Variants in ABAT observed in about 807,000 individuals in gnomAD.
ABAT encodes 4-aminobutyrate aminotransferase, mitochondrial.
ABAT carries 45 observed loss-of-function variants against 64.6 expected under a neutral mutation model. The ratio of observed to expected loss-of-function variants is 0.70; its 90% CI spans 0.55 to 0.89. The LOEUF (loss-of-function observed/expected upper bound fraction) is 0.89, where lower values mean the gene tolerates loss of function less well. Among genes scored for constraint, ABAT ranks in the 40% least tolerant of loss-of-function variants. ABAT has a pLI of 0.00. For synonymous variants in ABAT, 297 were observed against 250.5 expected, an observed-to-expected ratio of 1.19 and a Z score of -1.75; for missense variants, 633 against 658.4, an observed-to-expected ratio of 0.96 and a Z score of 0.42.
At chr16:8,778,946 T>A (rs186578374) in intron 14 of ABAT, among the ~76,000 whole-genome samples, 11 of 152,144 alleles carry the variant, frequency 7.2e-5, no homozygotes, top group Admixed American at 7.2e-4. Context: ...GGGAGGAAAC[T>A]ATTCAATCCA....
At position 8,768,956 on chromosome 16, in the gene ABAT, G is replaced by T. The variant is rs779070081; in HGVS notation, c.799G>T (p.Ala267Ser). The T allele has an allele frequency of 1.2e-6, 2 of 1,614,152 alleles. No individual in the cohort carries two copies. Among genetic ancestry groups the T allele is most frequent in the Non-Finnish European group, 1.7e-6 (2 of 1,180,016 alleles). Residue 267 changes from alanine to serine, a missense_variant, in exon 11 of 16, where the codon GCC (alanine) becomes TCC (serine). Physicochemically the swap from Ala to Ser is moderately conservative, Grantham distance 99 (BLOSUM62 1). Transcript: ENST00000268251. The part of the protein sequence containing the change: ...EFVKENQQEE[A>S]RCLEEVEDLI... ...TGTGAAAGAGAACCAACAGGAGGAG[G>T]CCCGCTGTCTGGAAGAGGTAATGCT... is the stretch of plus-strand genomic sequence containing the variant.
Position 8,776,608 on chromosome 16 carries a change from G to C in ABAT, c.1269+118G>C, listed in dbSNP as rs2060271404. ...CCTGCTGTTCCAGCAGTTCGTAACG[G>C]GCTGTGCTGCTCCTAGCCTTGGGGG... On this transcript the variant is annotated intron_variant, in intron 14 of 15. Coordinates refer to ENST00000268251, the MANE Select transcript of ABAT (RefSeq NM_020686.6). The surrounding 1 kb of genome is among the most constrained non-coding windows in gnomAD (Gnocchi z 4.4). 3 of 1,124,482 alleles carry C rather than the reference G, an allele frequency of 2.7e-6. No homozygotes were observed. The Admixed American group carries it at 6.0e-5, about 22-fold the overall frequency. 69.7% of individuals were successfully genotyped at this position (1,124,482 alleles called of 1,614,324 possible).
intron 1 of ABAT, among the ~76,000 whole-genome samples, chr16:8,675,790 A>G (rs977041040): frequency 1.3e-5 from 2 of 152,108 alleles, no homozygotes; most frequent in African/African-American, 4.8e-5. Flanking sequence ...CAACACACGC[A>G]CAAAGGCTGT....
chr16:8,739,457 C>A (rs553077534), intron 2 of ABAT, among the ~76,000 whole-genome samples: 3 of 152,332 alleles, frequency 2.0e-5, no homozygotes, highest in Admixed American at 2.0e-4. Context: ...GTGGCCCACA[C>A]CTGTAATACC....
At position 8,781,320 on chromosome 16, in the gene ABAT, G is replaced by A. The variant is rs781555217; in HGVS notation, c.1393G>A (p.Gly465Ser). 6.2e-7 allele frequency: 1 copy of A among 1,614,078 alleles called. No homozygotes were observed. Among genetic ancestry groups the A allele is most frequent in the Non-Finnish European group, 8.5e-7 (1 of 1,179,996 alleles). ...CCTGCCTCTTTCAGGTGTGGTGTTG[G>A]GTGGCTGTGGTGACAAATCCATTCG... ...LIARNKGVVL[G>S]GCGDKSIRFR... The change falls in exon 16 of 16, where the codon GGT becomes AGT. Residue 465 changes from glycine (G) to serine (S), a missense_variant. Gly to Ser is a moderately conservative substitution (Grantham distance 56). Coordinates refer to ENST00000268251, the MANE Select transcript of ABAT (RefSeq NM_020686.6). This position sits in a 1 kb window ranked among gnomAD's most constrained non-coding sequence, Gnocchi z 4.5.
At chr16:8,713,859 A>G (rs1340023756) in intron 1 of ABAT, 1 of 455,912 alleles carries the variant, frequency 2.2e-6, no homozygotes, top group Non-Finnish European at 4.4e-6. Flanking sequence ...TCCGACTACC[A>G]GGCACCGTGA....
chr16:8,774,975 A>G lies in ABAT; in HGVS notation c.1040A>G (p.Asp347Gly), dbSNP rs373386937. 4 of 1,614,048 alleles carry G rather than the reference A, an allele frequency of 2.5e-6. No homozygotes were observed. Among genetic ancestry groups the G allele is most frequent in the Non-Finnish European group, 2.5e-6 (3 of 1,180,038 alleles). Residue 347 changes from aspartate (D) to glycine (G), a missense_variant, in exon 13 of 16, where the codon GAT (aspartate) becomes GGT (glycine). Coordinates refer to ENST00000268251, the MANE Select transcript of ABAT (RefSeq NM_020686.6). ...TGGGCCCATGAGCACTGGGGCCTGG[A>G]TGACCCAGCAGACGTGATGACCTTC... ...KFWAHEHWGL[D>G]DPADVMTFSK...
intron 1 of ABAT, among the ~76,000 whole-genome samples, chr16:8,677,661 T>G (rs558660966): frequency 1.3e-5 from 2 of 152,216 alleles, no homozygotes; most frequent in South Asian, 4.1e-4. Context: ...CCAGTGACAC[T>G]CCCTACCCCA....
chr16:8,683,037 T>C (rs756064874), intron 1 of ABAT, among the ~76,000 whole-genome samples: 4 of 152,232 alleles, frequency 2.6e-5, no homozygotes, highest in Admixed American at 2.0e-4. Context: ...AATTGGTGCC[T>C]GAGCTGAAGC....
chr16:8,685,082 C>T (rs1159334843), intron 1 of ABAT, among the ~76,000 whole-genome samples: 1 of 151,622 alleles, frequency 6.6e-6, no homozygotes, highest in Non-Finnish European at 1.5e-5. Context: ...CTCAGGAGTT[C>T]GAGACCACCT....
chr16:8,728,017 G>A (rs1260503890), intron 1 of ABAT, among the ~76,000 whole-genome samples: 1 of 152,192 alleles, frequency 6.6e-6, no homozygotes, highest in African/African-American at 2.4e-5. Flanking sequence ...GCTGCAGTGA[G>A]CCCTGATCGC....
intron 9 of ABAT, among the ~76,000 whole-genome samples, chr16:8,767,928 AG>A (rs922748144): frequency 1.2e-4 from 18 of 151,994 alleles, no homozygotes; most frequent in Admixed American, 3.9e-4. Context: ...CGCCTGCCTC[AG>A]CCTTCCAAAG....
chr16:8,681,166 G>T (rs56188749), intron 1 of ABAT, among the ~76,000 whole-genome samples: 10,419 of 151,642 alleles, frequency 0.069, 513 homozygotes, highest in Admixed American at 0.13. Context: ...GCATTTTTTT[G>T]TTGTTGTTGA....
At chr16:8,689,094 A>AG (rs1470289285) in intron 1 of ABAT, among the ~76,000 whole-genome samples, 1 of 152,046 alleles carries the variant, frequency 6.6e-6, no homozygotes, top group Non-Finnish European at 1.5e-5. Flanking sequence ...AAAAAAAAAA[A>AG]AAAGTTCAAC....
intron 2 of ABAT, 101 bp downstream of exon 2, chr16:8,735,910 C>A (rs1406121814): frequency 2.0e-6 from 2 of 1,014,080 alleles, no homozygotes; most frequent in Non-Finnish European, 3.0e-6. Context: ...AAGGGACCAG[C>A]CAGTGAGTGT....
chr16:8,717,932 C>T (rs1183092831), intron 1 of ABAT, among the ~76,000 whole-genome samples: 2 of 151,956 alleles, frequency 1.3e-5, no homozygotes, highest in Non-Finnish European at 2.9e-5. Context: ...TGGGATTACA[C>T]ATCAGGTCCC....
chr16:8,729,324 G>C (rs998620897), intron 1 of ABAT, among the ~76,000 whole-genome samples: 1 of 101,452 alleles, frequency 9.9e-6, no homozygotes, highest in African/African-American at 3.7e-5. Flanking sequence ...AAAACAGCTA[G>C]GAGTTTTGTT....
At chr16:8,706,342 C>T (rs2057942392) in intron 1 of ABAT, among the ~76,000 whole-genome samples, 1 of 146,468 alleles carries the variant, frequency 6.8e-6, no homozygotes, top group Non-Finnish European at 1.5e-5. Context: ...GAAGGTAAGG[C>T]TGCAATGAGC....
intron 2 of ABAT, chr16:8,738,349 T>A (rs2142461078): frequency 2.2e-6 from 1 of 452,718 alleles, no homozygotes; most frequent in Non-Finnish European, 4.4e-6. Context: ...TTAAAGACAC[T>A]AAGAAACTGA....
Sources: gnomAD v4.1 joint callset for allele counts (sites outside exome capture counted in the v4.1 genomes callset) on GRCh38, gnomAD v4.1.1 for gene constraint, Gnocchi (gnomAD v3.1) non-coding constraint, MANE v1.5 for transcripts, NCBI Gene and HGNC (gene_info 2026-07-23, HGNC 2026-07-21) for gene names.